PCNX4: variants seen among roughly 807,000 people sequenced by gnomAD.
The protein encoded by PCNX4 is pecanex 4.
A neutral mutation model predicts 107.2 loss-of-function variants in PCNX4; 103 were observed. The observed-to-expected ratio is 0.96, with a 90% CI of 0.82 to 1.13. The LOEUF is 1.13. Among genes scored for constraint, PCNX4 ranks in the 50% most tolerant of loss-of-function variants. The pLI is 0.00. For missense variants in PCNX4, 1,528 were observed against 1,379.4 expected (o/e 1.11, Z -1.71); for synonymous variants, 541 against 481.7 (o/e 1.12, Z -1.61).
chr14:60,134,218 T>G lies in PCNX4; in HGVS notation c.3516T>G (p.Tyr1172Ter), dbSNP rs771779335. The G allele has an allele frequency of 2.5e-5, 40 of 1,612,734 alleles. No homozygotes were observed. In the Admixed American group the frequency reaches 6.7e-4, roughly 27 times the overall value. ...CAAAACCTCTCCACATACATTTGTATTAGAGCTCATTTTGACTGTAATGTC... is the reference window on the plus strand; with the variant it reads ...CAAAACCTCTCCACATACATTTGTAGTAGAGCTCATTTTGACTGTAATGTC... ...YSSKPLHIHLY is the reference protein window; with the variant it reads ...YSSKPLHIHL The change falls in exon 11 of 11, where the codon TAT (tyrosine) becomes TAG (stop). Residue 1172 changes from tyrosine to a stop codon, truncating the protein, a stop_gained. Transcript: ENST00000406854. LOFTEE classifies it high-confidence loss of function.
At position 60,137,677 on chromosome 14, in the gene PCNX4, G is replaced by T. The variant is rs2140574743; in HGVS notation, c.*3456G>T. 1 of 152,270 alleles carries T rather than the reference G, an allele frequency of 6.6e-6. No homozygotes were observed. The highest frequency in any genetic ancestry group is 1.9e-4 in the East Asian group (1 of 5,184). 9.4% of individuals were successfully genotyped at this position (152,270 alleles called of 1,614,324 possible). ...ACAACACAGGGTCTAAAATTACTATGTTTAGTGTGTTTAAAGATCTAAAAC... is the reference window on the plus strand; with the variant it reads ...ACAACACAGGGTCTAAAATTACTATTTTTAGTGTGTTTAAAGATCTAAAAC... On this transcript the variant is annotated 3_prime_UTR_variant, in exon 11 of 11. Coordinates refer to ENST00000406854, the MANE Select transcript of PCNX4 (RefSeq NM_001330177.2).
At chr14:60,108,898 T>A (rs1365672914) in intron 2 of PCNX4, 2 of 166,684 alleles carry the variant, frequency 1.2e-5, no homozygotes, top group Non-Finnish European at 2.9e-5. Flanking sequence ...CTTTTCTTTC[T>A]CCGTCTCCGT....
At position 60,142,187 on chromosome 14, in the gene PCNX4, T is replaced by C. The variant is rs1284720332; in HGVS notation, c.*7966T>C. 4 of 152,226 alleles carry C rather than the reference T, an allele frequency of 2.6e-5. No individual in the cohort carries two copies. The highest frequency in any genetic ancestry group is 5.9e-5 in the Non-Finnish European group (4 of 68,042). The allele number at this position is 152,226 out of a possible 1,614,324, so 9.4% of individuals were successfully genotyped here. On this transcript the variant is annotated 3_prime_UTR_variant, in exon 11 of 11. Coordinates refer to ENST00000406854, the MANE Select transcript of PCNX4 (RefSeq NM_001330177.2). This position sits in a 1 kb window ranked among gnomAD's most constrained non-coding sequence, Gnocchi z 4.7. ...TGATTGTGGTTATGGTTCACAAGTG[T>C]AGCCATATGGCAAAACTTAACAAAT... is the stretch of plus-strand genomic sequence containing the variant.
At chr14:60,100,954 A>G (rs980729356) in intron 1 of PCNX4, among the ~76,000 whole-genome samples, 3 of 152,184 alleles carry the variant, frequency 2.0e-5, no homozygotes, top group African/African-American at 4.8e-5. Context: ...ATCAACTAAC[A>G]GTCAGGTACC....
At chr14:60,102,048 T>C (rs1276924769) in intron 1 of PCNX4, among the ~76,000 whole-genome samples, 1 of 152,232 alleles carries the variant, frequency 6.6e-6, no homozygotes, top group Non-Finnish European at 1.5e-5. Context: ...GTGAGTAGAA[T>C]GGTGATTGCC....
rs531428133 is a variant in PCNX4, at chr14:60,127,724, A to C, written c.3267+1901A>C. On this transcript the variant is annotated intron_variant, in intron 10 of 10. Transcript: ENST00000406854. ...TTTTCAACAAAAAGTTGAGATATGC[A>C]AAGAAATGGGAAAGTCTAACCCATA... is the stretch of plus-strand genomic sequence containing the variant. 3.3e-4 allele frequency among the ~76,000 whole-genome samples: 50 copies of C among 152,360 alleles called. 2 individuals are homozygous for C. In the Middle Eastern group the frequency reaches 0.024, roughly 73 times the overall value.
At chr14:60,121,985 C>T (rs1392360469) in intron 8 of PCNX4, among the ~76,000 whole-genome samples, 2 of 152,150 alleles carry the variant, frequency 1.3e-5, no homozygotes, top group African/African-American at 2.4e-5. Context: ...AAGGGTGTCC[C>T]AGAGCCTAGT....
intron 2 of PCNX4, chr14:60,109,932 A>C (rs1264624908): frequency 6.0e-6 from 1 of 167,176 alleles, no homozygotes; most frequent in African/African-American, 2.4e-5. Context: ...CAGTGTTGAA[A>C]GGAGCAGTTG....
At position 60,136,817 on chromosome 14, in the gene PCNX4, T is replaced by C. The variant is rs1896246300; in HGVS notation, c.*2596T>C. 1 of 152,608 alleles carries C rather than the reference T, an allele frequency of 6.6e-6. No homozygotes were observed. Among genetic ancestry groups the C allele is most frequent in the Admixed American group, 6.5e-5 (1 of 15,292 alleles). The allele number at this position is 152,608 out of a possible 1,614,324, so 9.5% of individuals were successfully genotyped here. On this transcript the variant is annotated 3_prime_UTR_variant, in exon 11 of 11. Transcript: ENST00000406854. ...TTCCTTGGAACTTTGCCCAGCAAGA[T>C]ATGATAGGGATATTTCTTAGGTTGG...
intron 10 of PCNX4, among the ~76,000 whole-genome samples, chr14:60,133,141 A>G (rs1053365404): frequency 6.6e-6 from 1 of 152,246 alleles, no homozygotes; most frequent in South Asian, 2.1e-4. Flanking sequence ...AACCTTGTAC[A>G]TGAATGTTTA....
intron 10 of PCNX4, among the ~76,000 whole-genome samples, chr14:60,126,353 T>C (rs190920954): frequency 2.6e-5 from 4 of 152,242 alleles, no homozygotes; most frequent in Admixed American, 2.0e-4. Flanking sequence ...TTCAATGTTA[T>C]GAGCTTATCA....
chr14:60,103,485 G>A (rs577414367), intron 1 of PCNX4, among the ~76,000 whole-genome samples: 5 of 152,106 alleles, frequency 3.3e-5, no homozygotes, highest in Non-Finnish European at 5.9e-5. Context: ...TATTCTGTGG[G>A]ATATATGATC....
chr14:60,099,293 A>G (rs1595159296), intron 1 of PCNX4, among the ~76,000 whole-genome samples: 1 of 152,342 alleles, frequency 6.6e-6, no homozygotes, highest in African/African-American at 2.4e-5. Context: ...ATGCTTGGAA[A>G]TGTAAAACTT....
At chr14:60,120,290 G>T (rs1176080460) in intron 7 of PCNX4, among the ~76,000 whole-genome samples, 1 of 152,194 alleles carries the variant, frequency 6.6e-6, no homozygotes, top group Non-Finnish European at 1.5e-5. Flanking sequence ...GAGACTCAAT[G>T]CCCAGGGCTT....
intron 4 of PCNX4, 105 bp downstream of exon 4, chr14:60,115,566 G>C (rs1835188496): frequency 1.4e-6 from 2 of 1,411,838 alleles, no homozygotes; most frequent in African/African-American, 2.9e-5. Context: ...CCATATACAA[G>C]TGTTTGTTCT....
rs1896253743 is a variant in PCNX4 at position 60,137,527 on chromosome 14, A to G, written c.*3306A>G. The G allele has an allele frequency of 1.3e-5, 2 of 152,226 alleles. No individual in the cohort carries two copies. The highest frequency in any genetic ancestry group is 1.3e-4 in the Admixed American group (2 of 15,280). 9.4% of individuals were successfully genotyped at this position (152,226 alleles called of 1,614,324 possible). ...GACTGATCTTTTGAGTTATTTTTAT[A>G]ACTTTTCATGTTTAGTGTTGGAAAG... is the stretch of plus-strand genomic sequence containing the variant. On this transcript the variant is annotated 3_prime_UTR_variant, in exon 11 of 11. Coordinates refer to ENST00000406854, the MANE Select transcript of PCNX4 (RefSeq NM_001330177.2).
rs1220733828 is a variant in PCNX4 at position 60,139,366 on chromosome 14, A to G, written c.*5145A>G. Reference sequence around the variant, plus strand: ...CAATGTAGACCTTAAGGTGAAAAGTATTACAAAGAGAGACAATTTGTAATG... The same window carrying G: ...CAATGTAGACCTTAAGGTGAAAAGTGTTACAAAGAGAGACAATTTGTAATG... On this transcript the variant is annotated 3_prime_UTR_variant, in exon 11 of 11. Coordinates refer to ENST00000406854, the MANE Select transcript of PCNX4 (RefSeq NM_001330177.2). 5 of 151,948 alleles carry G rather than the reference A, an allele frequency of 3.3e-5. No homozygotes were observed. The highest frequency in any genetic ancestry group is 1.2e-4 in the African/African-American group (5 of 41,462). 9.4% of individuals were successfully genotyped at this position (151,948 alleles called of 1,614,324 possible).
intron 1 of PCNX4, among the ~76,000 whole-genome samples, chr14:60,103,093 C>T (rs1332147207): frequency 1.3e-5 from 2 of 152,132 alleles, no homozygotes; most frequent in African/African-American, 4.8e-5. Context: ...GATATGCTTG[C>T]TACCTGTCAA....
intron 1 of PCNX4, among the ~76,000 whole-genome samples, chr14:60,105,326 GGA>G (rs1053493799): frequency 6.6e-6 from 1 of 152,296 alleles, no homozygotes; most frequent in African/African-American, 2.4e-5. Context: ...CCTAGGCAAA[GGA>G]GAGAGCATGA....
Sources: allele counts gnomAD v4.1 joint callset (sites outside exome capture counted in the v4.1 genomes callset), GRCh38; gene constraint gnomAD v4.1.1; non-coding constraint Gnocchi (gnomAD v3.1); transcripts MANE v1.5; gene names NCBI Gene and HGNC (gene_info 2026-07-23, HGNC 2026-07-21).